The following ADAMTSL3 variants were observed in gnomAD, a reference collection of about 807,000 sequenced individuals.
The protein encoded by ADAMTSL3 is ADAMTS-like protein 3.
In ADAMTSL3, 128 loss-of-function variants were observed where a neutral mutation model predicts 201.7. The ratio of observed to expected loss-of-function variants is 0.63; its 90% CI spans 0.55 to 0.73. The LOEUF (loss-of-function observed/expected upper bound fraction) is 0.73. ADAMTSL3 is among the 30% of genes least tolerant of loss of function. The pLI, the probability that ADAMTSL3 is intolerant of heterozygous loss-of-function variation, is 0.00. For synonymous variants in ADAMTSL3, 738 were observed against 748.4 expected, an observed-to-expected ratio of 0.99 and a Z score of 0.23; for missense variants, 1,990 against 2,119.6, an observed-to-expected ratio of 0.94 and a Z score of 1.20.
intron 4 of ADAMTSL3, among the ~76,000 whole-genome samples, chr15:83,783,329 G>T (rs907271144): frequency 1.3e-5 from 2 of 151,824 alleles, no homozygotes; most frequent in African/African-American, 4.8e-5. Context: ...TGATCCAAAA[G>T]GGTTCAAGAA....
At chr15:83,941,914 A>G (rs943363739) in intron 17 of ADAMTSL3, among the ~76,000 whole-genome samples, 37 of 152,246 alleles carry the variant, frequency 2.4e-4, no homozygotes, top group Non-Finnish European at 4.4e-5. Flanking sequence ...TCAGATGGGC[A>G]GAGACTTTTC....
intron 15 of ADAMTSL3, among the ~76,000 whole-genome samples, chr15:83,903,959 A>G (rs1265608604): frequency 0.012 from 1,161 of 99,138 alleles, 50 homozygotes; most frequent in Middle Eastern, 0.028. Flanking sequence ...AAAGAAAGAA[A>G]GAAAGAAAGA....
chr15:83,933,567 G>C (rs1252781380), intron 17 of ADAMTSL3, among the ~76,000 whole-genome samples: 3 of 152,236 alleles, frequency 2.0e-5, no homozygotes, highest in African/African-American at 7.2e-5. Context: ...ATTTTCTGAG[G>C]AGAAATTCAA....
chr15:83,970,772 C>T (rs746713858), intron 20 of ADAMTSL3, 135 bp downstream of exon 20: 312 of 1,120,698 alleles, frequency 2.8e-4, no homozygotes, highest in Non-Finnish European at 3.6e-4. Context: ...GTGTTGTTTT[C>T]GGCAGCGATC....
intron 6 of ADAMTSL3, among the ~76,000 whole-genome samples, chr15:83,835,593 C>A (rs1280021622): frequency 6.6e-6 from 1 of 152,182 alleles, no homozygotes; most frequent in Non-Finnish European, 1.5e-5. Flanking sequence ...TCATGAAATG[C>A]AGAGTGCTCA....
At chr15:83,993,730 C>T (rs762969073) in intron 23 of ADAMTSL3, among the ~76,000 whole-genome samples, 26 of 152,204 alleles carry the variant, frequency 1.7e-4, no homozygotes, top group Middle Eastern at 3.4e-3. Flanking sequence ...TTCTAACTTG[C>T]GAGAGTTATT....
At chr15:83,711,581 G>A (rs951287265) in intron 3 of ADAMTSL3, among the ~76,000 whole-genome samples, 1 of 152,194 alleles carries the variant, frequency 6.6e-6, no homozygotes, top group Non-Finnish European at 1.5e-5. Context: ...AAGATTTAGC[G>A]ATCTAACAAG....
intron 2 of ADAMTSL3, among the ~76,000 whole-genome samples, chr15:83,700,688 T>C (rs1277354533): frequency 6.6e-6 from 1 of 152,118 alleles, no homozygotes; most frequent in Non-Finnish European, 1.5e-5. Context: ...TGCTTGAACC[T>C]GTGAGGCGGA....
intron 9 of ADAMTSL3, among the ~76,000 whole-genome samples, chr15:83,877,085 T>G (rs2065191156): frequency 6.6e-6 from 1 of 152,110 alleles, no homozygotes; most frequent in African/African-American, 2.4e-5. Flanking sequence ...TGAGCCACTG[T>G]GCCCAGCCAA....
chr15:83,737,524 TCTC>T (rs1449891590), intron 3 of ADAMTSL3, among the ~76,000 whole-genome samples: 3 of 152,142 alleles, frequency 2.0e-5, no homozygotes, highest in Non-Finnish European at 4.4e-5. Context: ...CATGCCTGCT[TCTC>T]CTTCTGCCAT....
In ADAMTSL3 at chr15:83,913,484, G is replaced by T. The variant is rs1290030315; in HGVS notation, c.1987+106G>T. On this transcript the variant is annotated intron_variant, in intron 16 of 29. Transcript: ENST00000286744. ...TATGCAAATTAGCAAAAGTCTAAAG[G>T]AGGTGAAGTCATTCAAATAACTGAA... is the stretch of plus-strand genomic sequence containing the variant. The T allele has an allele frequency of 1.1e-5, 13 of 1,130,694 alleles. No homozygotes were observed. In the South Asian group the frequency reaches 1.7e-4, roughly 15 times the overall value. The allele number at this position is 1,130,694 out of a possible 1,614,324, so 70.0% of individuals were successfully genotyped here. A position where few individuals can be genotyped will look rare whatever the true frequency, so the allele number is the denominator to read the frequency against.
chr15:83,676,901 T>C (rs1221017353), intron 2 of ADAMTSL3, among the ~76,000 whole-genome samples: 1 of 152,224 alleles, frequency 6.6e-6, no homozygotes, highest in Non-Finnish European at 1.5e-5. Context: ...GCTGGAACCA[T>C]GATCTTGGAC....
At chr15:83,955,067 T>A (rs1272809204) in intron 19 of ADAMTSL3, among the ~76,000 whole-genome samples, 1 of 152,230 alleles carries the variant, frequency 6.6e-6, no homozygotes, top group African/African-American at 2.4e-5. Context: ...TCCAGGCTTA[T>A]GTCCTTCCCT....
chr15:83,996,278 G>A (rs910183215), intron 23 of ADAMTSL3, among the ~76,000 whole-genome samples: 6 of 152,064 alleles, frequency 3.9e-5, no homozygotes, highest in African/African-American at 1.4e-4. Flanking sequence ...CTTTTAAAGG[G>A]TGAACTTTTT....
At chr15:83,956,934 A>T (rs1286415476) in intron 19 of ADAMTSL3, among the ~76,000 whole-genome samples, 1 of 152,186 alleles carries the variant, frequency 6.6e-6, no homozygotes, top group Non-Finnish European at 1.5e-5. Context: ...GGCACCAGGA[A>T]CCAGAGACAA....
intron 3 of ADAMTSL3, among the ~76,000 whole-genome samples, chr15:83,709,696 A>C (rs1183489153): frequency 1.3e-5 from 2 of 152,208 alleles, no homozygotes; most frequent in Admixed American, 6.5e-5. Flanking sequence ...TGACAAGCAC[A>C]GTGTTTCTCA....
At chr15:83,917,412 A>AGTGT (rs1555460183) in intron 16 of ADAMTSL3, among the ~76,000 whole-genome samples, 3,641 of 146,126 alleles carry the variant, frequency 0.025, 97 homozygotes, top group African/African-American at 0.072. Context: ...CAGCTTCCAA[A>AGTGT]GTGTGTGTAT....
At chr15:83,779,146 C>G (rs1227953539) in intron 4 of ADAMTSL3, among the ~76,000 whole-genome samples, 1 of 152,108 alleles carries the variant, frequency 6.6e-6, no homozygotes, top group Non-Finnish European at 1.5e-5. Context: ...GAGATTTAGA[C>G]TCCCTCACAG....
intron 4 of ADAMTSL3, among the ~76,000 whole-genome samples, chr15:83,775,572 C>A (rs969932054): frequency 2.2e-4 from 33 of 152,132 alleles, no homozygotes; most frequent in Non-Finnish European, 4.4e-5. Flanking sequence ...TGTTCAACTT[C>A]TTCCATCTTT....
Sources: allele counts gnomAD v4.1 joint callset (sites outside exome capture counted in the v4.1 genomes callset), GRCh38; gene constraint gnomAD v4.1.1; transcripts MANE v1.5; gene names NCBI Gene and HGNC (gene_info 2026-07-23, HGNC 2026-07-21).